The following DMD variants were observed in gnomAD, a reference collection of about 807,000 sequenced individuals.
DMD encodes the protein mutant dystrophin.
In DMD, 63 loss-of-function variants were observed where a neutral mutation model predicts 330.1. The observed-to-expected ratio is 0.19, with a 90% CI of 0.16 to 0.24. The LOEUF is 0.24. Among genes scored for constraint, DMD ranks in the 10% least tolerant of loss-of-function variants. DMD has a pLI of 1.00. For missense variants in DMD, 3,344 were observed against 2,684.1 expected (o/e 1.25, Z -5.43); for synonymous variants, 1,223 against 959.8 (o/e 1.27, Z -5.07).
intron 1 of DMD, among the ~76,000 whole-genome samples, chrX:33,079,719 A>G (rs886333546): frequency 3.6e-5 from 4 of 111,928 alleles, no homozygotes; most frequent in African/African-American, 9.7e-5. Flanking sequence ...CCAAATATCA[A>G]AGGTTTAAAA....
intron 64 of DMD, among the ~76,000 whole-genome samples, chrX:31,212,140 A>AAT (rs2044739421): frequency 1.0e-5 from 1 of 95,911 alleles, no homozygotes; most frequent in Non-Finnish European, 2.0e-5. Context: ...ATTTCCATTA[A>AAT]ATATATTATA....
rs763028610 is a variant in DMD at position 31,121,426 on chromosome X, TTG to T, written c.*491_*492del. 2.1e-3 allele frequency: 213 copies of T among 102,906 alleles called. No homozygotes were observed. Among genetic ancestry groups the T allele is most frequent in the Non-Finnish European group, 3.4e-3 (182 of 53,451 alleles). The allele number at this position is 102,906 out of a possible 1,213,427, so 8.5% of individuals were successfully genotyped here. ...CAAAACAATGCGCTGCCTCAAAGTT[TTG>T]TGTGTGTGTGTGTATGTGTGTGTGT... On this transcript the variant is annotated 3_prime_UTR_variant, in exon 79 of 79. Transcript: ENST00000357033.
intron 30 of DMD, among the ~76,000 whole-genome samples, chrX:32,399,547 A>T (rs903427247): frequency 9.0e-6 from 1 of 111,353 alleles, no homozygotes; most frequent in South Asian, 3.8e-4. Flanking sequence ...TCTCACTTCA[A>T]CTCAAATGGT....
intron 61 of DMD, among the ~76,000 whole-genome samples, chrX:31,329,312 A>G (rs755398162): frequency 8.9e-6 from 1 of 111,957 alleles, no homozygotes; most frequent in South Asian, 3.8e-4. Flanking sequence ...TCGTACAAAG[A>G]GAACTGCATG....
intron 48 of DMD, among the ~76,000 whole-genome samples, chrX:31,870,882 C>T (rs1490018500): frequency 1.8e-5 from 2 of 111,338 alleles, no homozygotes; most frequent in East Asian, 5.7e-4. Context: ...AGTCACTAAG[C>T]CTTAACATAA....
intron 43 of DMD, among the ~76,000 whole-genome samples, chrX:32,230,037 C>T (rs1439923221): frequency 9.1e-6 from 1 of 109,929 alleles, no homozygotes; most frequent in Non-Finnish European, 1.9e-5. Context: ...AGTGTCATTA[C>T]GTCTAAACCA....
chrX:32,641,827 G>A (rs1020231539), intron 11 of DMD, among the ~76,000 whole-genome samples: 2 of 110,408 alleles, frequency 1.8e-5, no homozygotes, highest in African/African-American at 3.3e-5. Context: ...AAGAAGTATC[G>A]ATGAATCCAT....
rs541877176 is a variant in DMD at position 32,996,016 on chromosome X, G to T, written c.93+24123C>A. On this transcript the variant is annotated intron_variant, in intron 2 of 78. Coordinates refer to ENST00000357033, the MANE Select transcript of DMD (RefSeq NM_004006.3). ...TAAAGCTGAGATAAAAACGTTAAAT[G>T]TAAGAGTCAATTGCAAGGTCATTTT... is the stretch of plus-strand genomic sequence containing the variant. Among the ~76,000 whole-genome samples the T allele has an allele frequency of 3.6e-5, 4 of 112,019 alleles. No homozygotes were observed. In the East Asian group the frequency reaches 8.5e-4, roughly 24 times the overall value.
At chrX:31,969,362 T>A (rs2095378888) in intron 44 of DMD, among the ~76,000 whole-genome samples, 1 of 111,908 alleles carries the variant, frequency 8.9e-6, no homozygotes, top group African/African-American at 3.2e-5. Flanking sequence ...TAATCTAGAA[T>A]TTGTAAGGCC....
At chrX:33,323,634 G>A (rs757288780) in intron 1 of DMD, among the ~76,000 whole-genome samples, 1 of 111,411 alleles carries the variant, frequency 9.0e-6, no homozygotes, top group Non-Finnish European at 1.9e-5. Flanking sequence ...TTTTTAAAAT[G>A]AAACTTGATC....
chrX:32,231,182 T>C (rs2097167978), intron 43 of DMD, among the ~76,000 whole-genome samples: 1 of 112,349 alleles, frequency 8.9e-6, no homozygotes, highest in Non-Finnish European at 1.9e-5. Context: ...AACAGTACAC[T>C]TAACACAGCT....
intron 7 of DMD, among the ~76,000 whole-genome samples, chrX:32,735,321 G>C (rs200125448): frequency 9.1e-6 from 1 of 110,204 alleles, no homozygotes; most frequent in African/African-American, 3.3e-5. Context: ...AATCAATATC[G>C]TGAAAATGGC....
At chrX:31,924,480 T>C (rs1461540602) in intron 47 of DMD, among the ~76,000 whole-genome samples, 2 of 112,159 alleles carry the variant, frequency 1.8e-5, no homozygotes, top group Non-Finnish European at 3.8e-5. Flanking sequence ...GATTAGAGAT[T>C]AATACAAAAT....
Position 33,116,085 on chromosome X carries a change from C to A in DMD, c.31+95197G>T, listed in dbSNP as rs978251728. 2.7e-5 allele frequency among the ~76,000 whole-genome samples: 3 copies of A among 109,221 alleles called. No individual in the cohort carries two copies. In the East Asian group the frequency reaches 8.9e-4, roughly 33 times the overall value. 94.8% of individuals were successfully genotyped at this position (109,221 alleles called of 115,157 possible). The stretch of plus-strand genomic sequence containing the variant: ...GCGTGCACCAGTAATCCCTGCTATT[C>A]GGGAGGCTGAGGCAGAAAAATCGCT... On this transcript the variant is annotated intron_variant, in intron 1 of 78. Transcript: ENST00000357033.
At chrX:33,307,798 G>T (rs1369016256) in intron 1 of DMD, among the ~76,000 whole-genome samples, 1 of 111,296 alleles carries the variant, frequency 9.0e-6, no homozygotes, top group Non-Finnish European at 1.9e-5. Context: ...CTATTGTTAG[G>T]GTAGAAAGCA....
chrX:32,361,055 C>T (rs1343878771), intron 37 of DMD, among the ~76,000 whole-genome samples: 1 of 110,268 alleles, frequency 9.1e-6, no homozygotes, highest in African/African-American at 3.3e-5. Context: ...ATCTGTGAAC[C>T]ACAATCTTGT....
At chrX:32,352,624 A>G (rs1202554089) in intron 37 of DMD, among the ~76,000 whole-genome samples, 1 of 111,034 alleles carries the variant, frequency 9.0e-6, no homozygotes, top group Non-Finnish European at 1.9e-5. Context: ...TACTCATAAC[A>G]TTGTAAAGAA....
At chrX:32,702,829 G>C (rs1159974996) in intron 7 of DMD, among the ~76,000 whole-genome samples, 4 of 111,082 alleles carry the variant, frequency 3.6e-5, no homozygotes, top group South Asian at 3.8e-4. Flanking sequence ...CACAGTCTTT[G>C]GAAATGCCTA....
In DMD at chrX:32,364,607, G is replaced by A. The variant is rs865938529; in HGVS notation, c.5129C>T (p.Pro1710Leu). The A allele has an allele frequency of 1.7e-6, 2 of 1,210,569 alleles. No homozygotes were observed. The highest frequency in any genetic ancestry group is 2.2e-6 in the Non-Finnish European group (2 of 894,866). Residue 1710 changes from proline (P) to leucine (L), a missense_variant, in exon 36 of 79, where the codon CCC becomes CTC. Transcript: ENST00000357033. ...TLLDESEKKK[P>L]QQKEDVLKRL... ...CTTAAGCACGTCTTCTTTTTGCTGG[G>A]GTTTCTTTTTCTCTGATTCATCCAA...
Sources: allele counts gnomAD v4.1 joint callset (sites outside exome capture counted in the v4.1 genomes callset), GRCh38; gene constraint gnomAD v4.1.1; transcripts MANE v1.5; gene names NCBI Gene and HGNC (gene_info 2026-07-23, HGNC 2026-07-21).